SCML2: variants seen among roughly 807,000 people sequenced by gnomAD.
SCML2 encodes sex comb on midleg-like protein 2.
A neutral mutation model predicts 48.4 loss-of-function variants in SCML2; 6 were observed. The observed-to-expected ratio is 0.12, with a 90% CI of 0.07 to 0.24. The LOEUF (loss-of-function observed/expected upper bound fraction) is 0.24. Among genes scored for constraint, SCML2 ranks in the 10% least tolerant of loss-of-function variants. The probability of loss-of-function intolerance (pLI) is 1.00; values close to 1 mark genes in which losing one functional copy is unlikely to be tolerated. For missense variants in SCML2, 377 were observed against 528.2 expected (o/e 0.71, Z 2.81); for synonymous variants, 181 against 189.5 (o/e 0.95, Z 0.37).
At chrX:18,326,679 CAAA>C (rs368286831) in intron 3 of SCML2, among the ~76,000 whole-genome samples, 4 of 57,754 alleles carry the variant, frequency 6.9e-5, no homozygotes, top group African/African-American at 6.3e-5. Flanking sequence ...GACTCCATCT[CAAA>C]AAAAAAAAAA....
intron 7 of SCML2, among the ~76,000 whole-genome samples, chrX:18,303,398 T>C (rs1277104371): frequency 3.6e-5 from 4 of 111,767 alleles, no homozygotes; most frequent in African/African-American, 1.3e-4. Context: ...ACTGGAATTT[T>C]GCACTTTTGT....
chrX:18,278,673 G>A (rs764973284), intron 7 of SCML2, among the ~76,000 whole-genome samples: 1 of 112,582 alleles, frequency 8.9e-6, no homozygotes, highest in Admixed American at 9.3e-5. Context: ...CCTAGCTACT[G>A]TGCAGGAGCA....
In SCML2 at chrX:18,305,094, T is replaced by C. The variant is rs1250961327; in HGVS notation, c.608A>G (p.His203Arg). The C allele has an allele frequency of 8.3e-7, 1 of 1,209,721 alleles. No homozygotes were observed. Among genetic ancestry groups the C allele is most frequent in the Non-Finnish European group, 1.1e-6 (1 of 895,199 alleles). Reference protein sequence around the residue: ...TIGDVKGDEVHITFDGWSGAF... With the variant: ...TIGDVKGDEVRITFDGWSGAF... ...TCCACTCCAGCCATCAAATGTGATATGAACTTCATCCCCTTTAACATCTCC... is the reference window on the plus strand; with the variant it reads ...TCCACTCCAGCCATCAAATGTGATACGAACTTCATCCCCTTTAACATCTCC... Residue 203 changes from histidine (H) to arginine (R), a missense_variant, in exon 7 of 15, where the codon CAT becomes CGT. This residue lies in a region of SCML2 where 299 missense variants were observed against 425.5 expected (regional missense o/e 0.70). Coordinates refer to ENST00000251900, the MANE Select transcript of SCML2 (RefSeq NM_006089.3).
chrX:18,298,037 A>T (rs1928454654), intron 7 of SCML2, among the ~76,000 whole-genome samples: 1 of 110,548 alleles, frequency 9.0e-6, no homozygotes, highest in East Asian at 2.8e-4. Context: ...GAAGAAAGAA[A>T]ACACTTAGGA....
At chrX:18,271,896 C>G (rs1402979691) in intron 7 of SCML2, among the ~76,000 whole-genome samples, 2 of 110,533 alleles carry the variant, frequency 1.8e-5, no homozygotes, top group Non-Finnish European at 3.8e-5. Context: ...CCCAATGCCT[C>G]TGCTTGGAAC....
rs1302784409 is a variant in SCML2, at chrX:18,240,556, A to G, written c.*695T>C. 1 of 112,509 alleles carries G rather than the reference A, an allele frequency of 8.9e-6. No homozygotes were observed. The highest frequency in any genetic ancestry group is 3.2e-5 in the African/African-American group (1 of 31,000). The allele number at this position is 112,509 out of a possible 1,213,427, so 9.3% of individuals were successfully genotyped here. A position where few individuals can be genotyped will look rare whatever the true frequency, so the allele number is the denominator to read the frequency against. ...GTATAAATATCTCCTGCATAAAATGACAATTCTATCCTATAATTTAAAAAA... is the reference window on the plus strand; with the variant it reads ...GTATAAATATCTCCTGCATAAAATGGCAATTCTATCCTATAATTTAAAAAA... On this transcript the variant is annotated 3_prime_UTR_variant, in exon 15 of 15. Transcript: ENST00000251900.
In SCML2 at chrX:18,278,488, C is replaced by T. The variant is rs147903643; in HGVS notation, c.731-12686G>A. Among the ~76,000 whole-genome samples the T allele has an allele frequency of 5.5e-3, 620 of 112,066 alleles. 4 individuals carry two copies. The highest frequency in any genetic ancestry group is 0.019 in the African/African-American group (572 of 30,824). ...TACCCGGGAAGGAGGCAGAGACAGG[C>T]CTTTGGATGGTGCAGAGCCCAGGAG... On this transcript the variant is annotated intron_variant, in intron 7 of 14. Coordinates refer to ENST00000251900, the MANE Select transcript of SCML2 (RefSeq NM_006089.3).
At chrX:18,321,840 A>G (rs1929331510) in intron 5 of SCML2, among the ~76,000 whole-genome samples, 2 of 111,427 alleles carry the variant, frequency 1.8e-5, no homozygotes, top group South Asian at 7.3e-4. Flanking sequence ...AAAGACCAAA[A>G]TTGGATTAAG....
At chrX:18,322,132 A>G (rs750137450) in intron 5 of SCML2, among the ~76,000 whole-genome samples, 1 of 112,535 alleles carries the variant, frequency 8.9e-6, no homozygotes, top group Non-Finnish European at 1.9e-5. Flanking sequence ...AATCTTTTTA[A>G]AAGGAAAACT....
chrX:18,284,669 T>A (rs1465778778), intron 7 of SCML2, among the ~76,000 whole-genome samples: 2 of 112,265 alleles, frequency 1.8e-5, no homozygotes, highest in Non-Finnish European at 3.8e-5. Flanking sequence ...TCACTAATTA[T>A]CAGAGAAATG....
chrX:18,309,220 C>T (rs1448677889), intron 6 of SCML2, among the ~76,000 whole-genome samples: 3 of 104,161 alleles, frequency 2.9e-5, no homozygotes, highest in Admixed American at 2.0e-4. Context: ...AAAAAAAAAC[C>T]CACAATGAGA....
chrX:18,345,532 C>T (rs979705509), intron 1 of SCML2, among the ~76,000 whole-genome samples: 2 of 109,532 alleles, frequency 1.8e-5, no homozygotes, highest in Non-Finnish European at 3.8e-5. Flanking sequence ...GCTGGGACTA[C>T]AGGCACACAC....
chrX:18,336,025 A>C (rs1602144946), intron 1 of SCML2, among the ~76,000 whole-genome samples: 1 of 112,588 alleles, frequency 8.9e-6, no homozygotes, highest in East Asian at 2.8e-4. Context: ...TTGGCATAGG[A>C]TATACAAATT....
intron 7 of SCML2, among the ~76,000 whole-genome samples, chrX:18,281,711 CAA>C (rs762908673): frequency 7.0e-5 from 2 of 28,711 alleles, no homozygotes; most frequent in Admixed American, 4.0e-4. Flanking sequence ...GACTCTGTCT[CAA>C]AAAAAAAAAA....
intron 7 of SCML2, among the ~76,000 whole-genome samples, chrX:18,278,377 A>G (rs938217689): frequency 9.0e-6 from 1 of 111,526 alleles, no homozygotes; most frequent in Non-Finnish European, 1.9e-5. Flanking sequence ...GAACTGAAGG[A>G]CAACTCACTC....
intron 7 of SCML2, among the ~76,000 whole-genome samples, chrX:18,274,508 T>C (rs948183031): frequency 2.7e-5 from 3 of 112,289 alleles, no homozygotes; most frequent in African/African-American, 9.7e-5. Context: ...CCCATAAGCA[T>C]GATCTTTAGA....
chrX:18,260,430 G>C (rs1927021147), intron 8 of SCML2, 139 bp from the exon 9 acceptor site: 2 of 475,623 alleles, frequency 4.2e-6, no homozygotes, highest in South Asian at 1.3e-4. Context: ...AAACTCCCGT[G>C]TGTGTCATGA....
intron 9 of SCML2, 30 bp from the exon 10 acceptor site, chrX:18,258,277 CAATG>C (rs1312918308): frequency 3.6e-6 from 4 of 1,101,389 alleles, no homozygotes; most frequent in Admixed American, 4.6e-5. Flanking sequence ...GCATACATAA[CAATG>C]AGACTGATTA....
chrX:18,302,967 G>A (rs1172610725), intron 7 of SCML2, among the ~76,000 whole-genome samples: 1 of 111,611 alleles, frequency 9.0e-6, no homozygotes, highest in East Asian at 2.8e-4. Context: ...TCTGAAAACA[G>A]ATAATATGGG....
Sources: gnomAD v4.1 joint callset for allele counts (sites outside exome capture counted in the v4.1 genomes callset) on GRCh38, gnomAD v4.1.1 for gene constraint, gnomAD v4.1.1 regional missense constraint, MANE v1.5 for transcripts, NCBI Gene and HGNC (gene_info 2026-07-23, HGNC 2026-07-21) for gene names.